The following ETFDH variants were observed in gnomAD, a reference collection of about 807,000 sequenced individuals.
The protein encoded by ETFDH is electron transfer flavoprotein dehydrogenase.
In ETFDH, 61 loss-of-function variants were observed where a neutral mutation model predicts 73.2. The ratio of observed to expected loss-of-function variants is 0.83; its 90% CI spans 0.68 to 1.03. ETFDH has a LOEUF of 1.03. Among genes scored for constraint, ETFDH ranks in the 50% least tolerant of loss-of-function variants. The pLI is 0.00. For missense variants in ETFDH, 685 were observed against 745.0 expected, an observed-to-expected ratio of 0.92 and a Z score of 0.94; for synonymous variants, 243 against 253.3, an observed-to-expected ratio of 0.96 and a Z score of 0.39.
In ETFDH at chr4:158,685,602, A is replaced by AT. The variant is rs907343089; in HGVS notation, c.606+392dup. Among the ~76,000 whole-genome samples the AT allele has an allele frequency of 1.9e-4, 29 of 151,868 alleles. No homozygotes were observed. In the East Asian group the frequency reaches 3.7e-3, roughly 19 times the overall value. ...TCTTCCTCCCTATCTTTACTCTGGA[A>AT]TTTTTTTTTATTTCCCAGTATAGGG... On this transcript the variant is annotated intron_variant, in intron 5 of 12. Transcript: ENST00000511912.
At chr4:158,706,445 ATTGTT>A (rs1774620996) in intron 11 of ETFDH, 74 bp downstream of exon 11, 1 of 1,289,618 alleles carries the variant, frequency 7.8e-7, no homozygotes. Context: ...AGAGAAAGTG[ATTGTT>A]TTAATGTTTT....
intron 11 of ETFDH, 48 bp from the exon 12 acceptor site, chr4:158,706,581 T>C: frequency 6.8e-7 from 1 of 1,469,590 alleles, no homozygotes; most frequent in Non-Finnish European, 9.5e-7. Context: ...TAAGAAAAAG[T>C]ACTTCAAAAT....
intron 10 of ETFDH, among the ~76,000 whole-genome samples, chr4:158,704,830 G>A (rs1257189536): frequency 6.6e-6 from 1 of 152,152 alleles, no homozygotes; most frequent in African/African-American, 2.4e-5. Context: ...GGCCTAGCGT[G>A]GGGAGATGAA....
At chr4:158,707,182 C>CTAGA (rs758226942) in intron 12 of ETFDH, among the ~76,000 whole-genome samples, 1 of 152,136 alleles carries the variant, frequency 6.6e-6, no homozygotes, top group Non-Finnish European at 1.5e-5. Context: ...GGTGCATGTA[C>CTAGA]TAGAACAGCA....
At chr4:158,703,645 T>A in intron 10 of ETFDH, 54 bp downstream of exon 10, 1 of 1,066,222 alleles carries the variant, frequency 9.4e-7, no homozygotes, top group Non-Finnish European at 1.5e-6. Context: ...TTATGTGTAT[T>A]TCAATTGACA....
At chr4:158,691,588 G>A (rs541403170) in intron 6 of ETFDH, among the ~76,000 whole-genome samples, 2 of 152,180 alleles carry the variant, frequency 1.3e-5, no homozygotes, top group Non-Finnish European at 2.9e-5. Flanking sequence ...CTCCCAAATT[G>A]CTGGGATTAC....
intron 1 of ETFDH, among the ~76,000 whole-genome samples, chr4:158,676,622 A>G (rs1773717321): frequency 6.6e-6 from 1 of 152,376 alleles, no homozygotes; most frequent in African/African-American, 2.4e-5. Context: ...GGAATGAACA[A>G]GGACTACTTG....
intron 5 of ETFDH, among the ~76,000 whole-genome samples, chr4:158,687,233 T>C (rs1039764657): frequency 6.6e-6 from 1 of 152,196 alleles, no homozygotes; most frequent in Admixed American, 6.5e-5. Flanking sequence ...GTTTGCTTCT[T>C]TGGTAGGCCC....
chr4:158,708,570 T>C lies in ETFDH; in HGVS notation c.*43T>C. ...TCTTTCAAGTATGGCAAGCTAACGT[T>C]AAAATGTTTAGAGATTAACAGATTT... is the stretch of plus-strand genomic sequence containing the variant. On this transcript the variant is annotated 3_prime_UTR_variant, in exon 13 of 13. Transcript: ENST00000511912. 6.6e-7 allele frequency: 1 copy of C among 1,511,966 alleles called. No individual in the cohort carries two copies. The highest frequency in any genetic ancestry group is 1.4e-5 in the African/African-American group (1 of 72,862). The allele number at this position is 1,511,966 out of a possible 1,614,324, so 93.7% of individuals were successfully genotyped here. A position where few individuals can be genotyped will look rare whatever the true frequency, so the allele number is the denominator to read the frequency against.
chr4:158,698,157 C>G (rs2150311885), intron 8 of ETFDH, among the ~76,000 whole-genome samples: 1 of 152,250 alleles, frequency 6.6e-6, no homozygotes, highest in South Asian at 2.1e-4. Context: ...TTAAAAATAC[C>G]AGCAGTTTCT....
At chr4:158,684,018 A>G (rs1773934780) in intron 3 of ETFDH, among the ~76,000 whole-genome samples, 1 of 152,192 alleles carries the variant, frequency 6.6e-6, no homozygotes, top group South Asian at 2.1e-4. Flanking sequence ...ACAAAAAGAC[A>G]TGAGGGTCAC....
At chr4:158,693,251 A>C (rs1258139562) in intron 6 of ETFDH, among the ~76,000 whole-genome samples, 1 of 152,152 alleles carries the variant, frequency 6.6e-6, no homozygotes, top group Non-Finnish European at 1.5e-5. Context: ...CACTTGACAC[A>C]GTTGGATTAT....
chr4:158,694,307 T>G (rs965809427), intron 6 of ETFDH, among the ~76,000 whole-genome samples: 1 of 152,126 alleles, frequency 6.6e-6, no homozygotes, highest in Admixed American at 6.5e-5. Context: ...AAAATAGTAT[T>G]GAGGGCCAGG....
intron 12 of ETFDH, 87 bp from the exon 13 acceptor site, chr4:158,708,277 G>A: frequency 3.1e-6 from 3 of 966,642 alleles, no homozygotes; most frequent in East Asian, 2.6e-5. Context: ...TAAGGTTTCT[G>A]TGGCTACTCT....
intron 7 of ETFDH, among the ~76,000 whole-genome samples, chr4:158,696,789 A>T (rs1265157471): frequency 1.3e-5 from 2 of 152,212 alleles, no homozygotes; most frequent in African/African-American, 4.8e-5. Flanking sequence ...TGGAGAATAC[A>T]TGTCCATTAT....
chr4:158,696,173 A>G (rs1467894814), intron 7 of ETFDH, among the ~76,000 whole-genome samples: 2 of 152,190 alleles, frequency 1.3e-5, no homozygotes, highest in African/African-American at 4.8e-5. Context: ...GCTTATTAGA[A>G]TGTAAATGTA....
At chr4:158,676,839 C>T (rs1366264449) in intron 1 of ETFDH, among the ~76,000 whole-genome samples, 1 of 152,044 alleles carries the variant, frequency 6.6e-6, no homozygotes, top group Admixed American at 6.6e-5. Flanking sequence ...TACTTATTGG[C>T]CGTTTGTATA....
At chr4:158,678,967 C>T (rs995713556) in intron 1 of ETFDH, among the ~76,000 whole-genome samples, 2 of 152,106 alleles carry the variant, frequency 1.3e-5, no homozygotes, top group African/African-American at 2.4e-5. Context: ...GTCTTCTATA[C>T]TTTGAACCTA....
chr4:158,682,491 A>G, intron 3 of ETFDH, 67 bp downstream of exon 3: 1 of 1,244,398 alleles, frequency 8.0e-7, no homozygotes, highest in East Asian at 2.3e-5. Flanking sequence ...TTGTTCCCAA[A>G]TTACTGGAAT....
Sources: allele counts gnomAD v4.1 joint callset (sites outside exome capture counted in the v4.1 genomes callset), GRCh38; gene constraint gnomAD v4.1.1; transcripts MANE v1.5; gene names NCBI Gene and HGNC (gene_info 2026-07-23, HGNC 2026-07-21).